TMTC1: variants seen among roughly 807,000 people sequenced by gnomAD.
TMTC1 encodes the protein protein O-mannosyl-transferase TMTC1.
TMTC1 carries 73 observed loss-of-function variants against 104.8 expected under a neutral mutation model. The observed-to-expected ratio is 0.70, with a 90% CI of 0.58 to 0.85. The LOEUF (loss-of-function observed/expected upper bound fraction) is 0.85, where lower values mean the gene tolerates loss of function less well. Ranked by LOEUF, TMTC1 falls within the 40% of genes least tolerant of loss-of-function variation. TMTC1 has a pLI of 0.00. For missense variants in TMTC1, 1,035 were observed against 1,096.1 expected (o/e 0.94, Z 0.79); for synonymous variants, 434 against 428.7 (o/e 1.01, Z -0.15).
intron 3 of TMTC1, 54 bp from the exon 4 acceptor site, chr12:29,755,939 G>A: frequency 5.2e-6 from 8 of 1,548,260 alleles, no homozygotes; most frequent in East Asian, 2.3e-5. Context: ...GGTCTGCTAA[G>A]AAATGCCACC....
At chr12:29,652,602 A>G (rs530190373) in intron 5 of TMTC1, among the ~76,000 whole-genome samples, 10 of 152,372 alleles carry the variant, frequency 6.6e-5, no homozygotes, top group African/African-American at 2.2e-4. Flanking sequence ...GCATTCATCC[A>G]TCAAACAGTA....
chr12:29,603,458 A>G (rs1229721889), intron 7 of TMTC1, among the ~76,000 whole-genome samples: 1 of 152,104 alleles, frequency 6.6e-6, no homozygotes, highest in Admixed American at 6.5e-5. Context: ...CTCTATTGTA[A>G]AAATGAGAAA....
rs1271104538 is a variant in TMTC1, at chr12:29,708,534, GCCCA to G, written c.938+43128_938+43131del. Reference sequence around the variant, plus strand: ...ATTGCACACAATGGAATTCTCTAAAGCCCATTGACTCCCAGTTTTAAAGTATTTT... The same window carrying G: ...ATTGCACACAATGGAATTCTCTAAAGTTGACTCCCAGTTTTAAAGTATTTT... On this transcript the variant is annotated intron_variant, in intron 5 of 17. Coordinates refer to ENST00000539277, the MANE Select transcript of TMTC1 (RefSeq NM_001193451.2). 7.9e-5 allele frequency among the ~76,000 whole-genome samples: 12 copies of G among 152,122 alleles called. No individual in the cohort carries two copies. In the South Asian group the frequency reaches 2.5e-3, roughly 32 times the overall value.
intron 6 of TMTC1, among the ~76,000 whole-genome samples, chr12:29,621,217 T>C (rs1234284549): frequency 6.6e-6 from 1 of 152,232 alleles, no homozygotes; most frequent in Non-Finnish European, 1.5e-5. Flanking sequence ...TTCAATTTTA[T>C]TTTACCATTC....
chr12:29,768,909 C>T (rs917524385), intron 1 of TMTC1, among the ~76,000 whole-genome samples: 10 of 152,132 alleles, frequency 6.6e-5, no homozygotes, highest in Admixed American at 6.5e-4. Context: ...ACATAATACA[C>T]CCAATTGATT....
intron 6 of TMTC1, among the ~76,000 whole-genome samples, chr12:29,622,861 T>C (rs1016037135): frequency 6.6e-6 from 1 of 152,232 alleles, no homozygotes; most frequent in Non-Finnish European, 1.5e-5. Context: ...AGATGCCAAC[T>C]GAGCTCTTCC....
At chr12:29,739,708 C>G (rs1477589387) in intron 5 of TMTC1, among the ~76,000 whole-genome samples, 2 of 151,928 alleles carry the variant, frequency 1.3e-5, no homozygotes, top group Non-Finnish European at 2.9e-5. Flanking sequence ...AAAAGTCAAT[C>G]TTTTTTGTTT....
intron 9 of TMTC1, among the ~76,000 whole-genome samples, chr12:29,569,588 C>T (rs1183984397): frequency 1.3e-5 from 2 of 152,196 alleles, no homozygotes; most frequent in South Asian, 2.1e-4. Flanking sequence ...TAAAGGCAAT[C>T]TTCCAGTTAC....
intron 5 of TMTC1, among the ~76,000 whole-genome samples, chr12:29,653,161 G>A (rs994085988): frequency 2.0e-5 from 3 of 152,014 alleles, no homozygotes; most frequent in African/African-American, 7.2e-5. Context: ...CCTAACGGGT[G>A]TAGGAAACCA....
intron 5 of TMTC1, among the ~76,000 whole-genome samples, chr12:29,679,404 C>T (rs912859159): frequency 7.2e-5 from 11 of 151,916 alleles, no homozygotes; most frequent in Non-Finnish European, 1.5e-4. Context: ...AGTCAGTAAA[C>T]GCTATTATTT....
intron 1 of TMTC1, among the ~76,000 whole-genome samples, chr12:29,776,949 A>G (rs1416060101): frequency 6.6e-6 from 1 of 152,152 alleles, no homozygotes; most frequent in Non-Finnish European, 1.5e-5. Context: ...GGTGCAGAGA[A>G]TGAGGTGGAG....
At chr12:29,776,457 C>T (rs1210057184) in intron 1 of TMTC1, among the ~76,000 whole-genome samples, 1 of 152,178 alleles carries the variant, frequency 6.6e-6, no homozygotes, top group African/African-American at 2.4e-5. Context: ...AAAAGTAAAC[C>T]AAGCAGACTT....
chr12:29,598,016 C>G (rs75355570), intron 7 of TMTC1, among the ~76,000 whole-genome samples: 7,182 of 152,210 alleles, frequency 0.047, 578 homozygotes, highest in African/African-American at 0.16. Context: ...GTGAAAACCA[C>G]CATTTGGGAA....
chr12:29,571,467 C>A (rs1217316266), intron 9 of TMTC1, among the ~76,000 whole-genome samples: 2 of 151,934 alleles, frequency 1.3e-5, no homozygotes, highest in Non-Finnish European at 2.9e-5. Flanking sequence ...TAGCAGATTG[C>A]TGCTAGTAAG....
intron 8 of TMTC1, among the ~76,000 whole-genome samples, chr12:29,576,073 C>T (rs1159672659): frequency 6.6e-6 from 1 of 152,146 alleles, no homozygotes; most frequent in Non-Finnish European, 1.5e-5. Flanking sequence ...AGGTCCTTTG[C>T]TCATTTTGAA....
intron 7 of TMTC1, among the ~76,000 whole-genome samples, chr12:29,591,229 G>C (rs990794961): frequency 6.6e-6 from 1 of 151,754 alleles, no homozygotes; most frequent in Non-Finnish European, 1.5e-5. Flanking sequence ...TTCAACATCT[G>C]CTTGAATGCA....
chr12:29,556,310 T>C (rs1262374245), intron 10 of TMTC1, among the ~76,000 whole-genome samples: 1 of 152,216 alleles, frequency 6.6e-6, no homozygotes, highest in African/African-American at 2.4e-5. Context: ...CGACTACTAA[T>C]TCCAGCAAGC....
chr12:29,531,348 A>G (rs1944498837), intron 11 of TMTC1, among the ~76,000 whole-genome samples: 1 of 152,128 alleles, frequency 6.6e-6, no homozygotes, highest in South Asian at 2.1e-4. Context: ...GTTCCAATTT[A>G]TGTTTTATTG....
At chr12:29,604,477 G>A (rs1946646128) in intron 6 of TMTC1, among the ~76,000 whole-genome samples, 178 bp from the exon 7 acceptor site, 1 of 152,154 alleles carries the variant, frequency 6.6e-6, no homozygotes, top group African/African-American at 2.4e-5. Context: ...AAAATGGCTG[G>A]CATGTCAAAA....
Sources: gnomAD v4.1 joint callset for allele counts (sites outside exome capture counted in the v4.1 genomes callset) on GRCh38, gnomAD v4.1.1 for gene constraint, MANE v1.5 for transcripts, NCBI Gene and HGNC (gene_info 2026-07-23, HGNC 2026-07-21) for gene names.